Variants in LOXHD1 observed in about 807,000 individuals in gnomAD.
LOXHD1 encodes the protein lipoxygenase homology PLAT domains 1.
LOXHD1 carries 205 observed loss-of-function variants against 248.2 expected under a neutral mutation model. The observed-to-expected ratio is 0.83, with a 90% CI of 0.74 to 0.93. The LOEUF is 0.93. Among genes scored for constraint, LOXHD1 ranks in the 40% least tolerant of loss-of-function variants. LOXHD1 has a pLI of 0.00. For missense variants in LOXHD1, 2,930 were observed against 2,971.6 expected (o/e 0.99, Z 0.33); for synonymous variants, 1,113 against 1,162.8 (o/e 0.96, Z 0.87).
In LOXHD1 at chr18:46,483,618, T is replaced by C; in HGVS notation, c.6310A>G (p.Ile2104Val). ...KRELAWHVKTITITEMEYGNV... is the reference protein window; with the variant it reads ...KRELAWHVKTVTITEMEYGNV... ...CCGTACTCCATCTCGGTGATGGTGA[T>C]GGTCTTGACATGCCAGGCAAGTTCT... The change falls in exon 40 of 41, where the codon ATC (isoleucine) becomes GTC (valine). Residue 2104 changes from isoleucine (I) to valine (V), a missense_variant. Coordinates refer to ENST00000642948, the MANE Select transcript of LOXHD1 (RefSeq NM_001384474.1). 1 of 1,551,658 alleles carries C rather than the reference T, an allele frequency of 6.4e-7. No individual in the cohort carries two copies. The highest frequency in any genetic ancestry group is 8.7e-7 in the Non-Finnish European group (1 of 1,146,990).
rs892724754 is a variant in LOXHD1, at chr18:46,522,135, G to A, written c.5051C>T (p.Ala1684Val). 4.5e-6 allele frequency: 7 copies of A among 1,551,154 alleles called. No homozygotes were observed. The African/African-American group carries it at 8.2e-5, about 18-fold the overall frequency. ...SRGSVEEFYVAGLDVGIIKKI... is the reference protein window; with the variant it reads ...SRGSVEEFYVVGLDVGIIKKI... ...CTTGATGATGCCCACATCCAAGCCT[G>A]CGACGTAGAACTCCTCCACAGAGCC... is the stretch of plus-strand genomic sequence containing the variant. The change falls in exon 32 of 41, where the codon GCA becomes GTA. Residue 1684 changes from alanine (A) to valine (V), a missense_variant. Coordinates refer to ENST00000642948, the MANE Select transcript of LOXHD1 (RefSeq NM_001384474.1).
chr18:46,643,639 G>T (rs328172), intron 2 of LOXHD1, among the ~76,000 whole-genome samples: 58,606 of 151,858 alleles, frequency 0.39, 12,024 homozygotes, highest in East Asian at 0.53. Context: ...AGAATGTGTG[G>T]ACATTGTTTC....
Position 46,553,782 on chromosome 18 carries a change from G to T in LOXHD1, c.3350+3574C>A, listed in dbSNP as rs1351476696. On this transcript the variant is annotated intron_variant, in intron 21 of 40. Transcript: ENST00000642948. ...AAAATAAACAGACAAGAGAAATGAG[G>T]GGAAGAGGGTACGCTAGGCCTCACT... 2.6e-5 allele frequency among the ~76,000 whole-genome samples: 4 copies of T among 152,168 alleles called. No homozygotes were observed. The East Asian group carries it at 7.7e-4, about 29-fold the overall frequency.
chr18:46,509,863 G>GT, intron 34 of LOXHD1, 48 bp from the exon 35 acceptor site: 3 of 1,025,466 alleles, frequency 2.9e-6, no homozygotes, highest in Non-Finnish European at 4.4e-6. Flanking sequence ...GGCCATTGGG[G>GT]AGGGTTGGGG....
intron 6 of LOXHD1, among the ~76,000 whole-genome samples, chr18:46,605,006 T>G (rs7351019): frequency 6.6e-6 from 1 of 152,012 alleles, no homozygotes; most frequent in African/African-American, 2.4e-5. Context: ...CACAAAAAAA[T>G]TTATTTTAAA....
chr18:46,627,962 T>C (rs1187697910), intron 4 of LOXHD1, among the ~76,000 whole-genome samples: 1 of 152,224 alleles, frequency 6.6e-6, no homozygotes, highest in Non-Finnish European at 1.5e-5. Flanking sequence ...GAAGGGCCTG[T>C]ATGTAATCAC....
rs1381148907 is a variant in LOXHD1, at chr18:46,505,873, T to C, written c.5843A>G (p.His1948Arg). ...FNFPDMLSLGHLCKLRVWHDN... is the reference protein window; with the variant it reads ...FNFPDMLSLGRLCKLRVWHDN... Reference sequence around the variant, plus strand: ...GTGCCAGACCCTCAGCTTGCAGAGGTGGCCCAAGCTCAGCATGTCAGGGAA... The same window carrying C: ...GTGCCAGACCCTCAGCTTGCAGAGGCGGCCCAAGCTCAGCATGTCAGGGAA... Residue 1948 changes from histidine to arginine, a missense_variant, in exon 37 of 41, where the codon CAC becomes CGC. By Grantham distance (29) the His-to-Arg change is conservative (BLOSUM62 0). Transcript: ENST00000642948. 6.4e-7 allele frequency: 1 copy of C among 1,551,626 alleles called. No individual in the cohort carries two copies. Among genetic ancestry groups the C allele is most frequent in the Non-Finnish European group, 8.7e-7 (1 of 1,146,976 alleles).
intron 28 of LOXHD1, among the ~76,000 whole-genome samples, 192 bp downstream of exon 28, chr18:46,532,970 C>T (rs1386054415): frequency 6.6e-6 from 1 of 152,196 alleles, no homozygotes; most frequent in Non-Finnish European, 1.5e-5. Flanking sequence ...CTAGCTCGGC[C>T]ATCTATTAGC....
At chr18:46,608,554 C>T (rs1402920158) in intron 6 of LOXHD1, among the ~76,000 whole-genome samples, 1 of 152,154 alleles carries the variant, frequency 6.6e-6, no homozygotes, top group African/African-American at 2.4e-5. Context: ...TGTGCCCTGC[C>T]CTGGCTGAGG....
intron 4 of LOXHD1, among the ~76,000 whole-genome samples, chr18:46,632,428 G>A (rs1041919454): frequency 6.6e-6 from 1 of 152,292 alleles, no homozygotes; most frequent in Middle Eastern, 3.4e-3. Context: ...AGAGGGCATT[G>A]CCAACAGCAG....
intron 8 of LOXHD1, among the ~76,000 whole-genome samples, chr18:46,598,509 T>TAA (rs34481424): frequency 0.026 from 3,866 of 147,922 alleles, 133 homozygotes; most frequent in African/African-American, 0.085. Context: ...CTTTGAAAAT[T>TAA]AAAAAAAAAA....
chr18:46,560,687 T>C, intron 18 of LOXHD1, 142 bp from the exon 19 acceptor site: 1 of 754,592 alleles, frequency 1.3e-6, no homozygotes, highest in Non-Finnish European at 2.1e-6. Flanking sequence ...TGTGCTCAGA[T>C]CCTTCCACCA....
intron 28 of LOXHD1, among the ~76,000 whole-genome samples, chr18:46,530,238 A>G (rs2036002494): frequency 6.6e-6 from 1 of 152,154 alleles, no homozygotes. Context: ...CCAAAGTGGA[A>G]GGAAGGTTAA....
chr18:46,653,837 G>C (rs1222376687), intron 1 of LOXHD1, among the ~76,000 whole-genome samples: 1 of 152,180 alleles, frequency 6.6e-6, no homozygotes, highest in Non-Finnish European at 1.5e-5. Flanking sequence ...CTGTGATAAG[G>C]ATTAAGTAAA....
At chr18:46,646,982 A>G (rs1025858373) in intron 2 of LOXHD1, among the ~76,000 whole-genome samples, 3 of 152,146 alleles carry the variant, frequency 2.0e-5, no homozygotes, top group African/African-American at 7.2e-5. Context: ...CTGTGTCCCC[A>G]TCACTGAGAC....
intron 21 of LOXHD1, 127 bp downstream of exon 21, chr18:46,557,229 C>T (rs2037378668): frequency 1.8e-6 from 2 of 1,085,740 alleles, no homozygotes; most frequent in Non-Finnish European, 2.6e-6. Context: ...TTAGGTGTCA[C>T]CCAGCCCACC....
intron 40 of LOXHD1, among the ~76,000 whole-genome samples, chr18:46,478,440 C>CA (rs1163467930): frequency 1.3e-5 from 2 of 152,132 alleles, no homozygotes; most frequent in African/African-American, 4.8e-5. Flanking sequence ...AAGTCACCAT[C>CA]ATCTCCTATT....
chr18:46,550,968 G>A (rs535965834), intron 21 of LOXHD1, among the ~76,000 whole-genome samples: 2 of 152,198 alleles, frequency 1.3e-5, no homozygotes, highest in African/African-American at 4.8e-5. Context: ...ACTCATTGTT[G>A]TATCCACATC....
At chr18:46,655,712 C>G (rs1296116579) in intron 1 of LOXHD1, among the ~76,000 whole-genome samples, 2 of 152,202 alleles carry the variant, frequency 1.3e-5, no homozygotes, top group Admixed American at 1.3e-4. Flanking sequence ...CTGAGACTAC[C>G]TCCTCTAAGC....
Sources: gnomAD v4.1 joint callset for allele counts (sites outside exome capture counted in the v4.1 genomes callset) on GRCh38, gnomAD v4.1.1 for gene constraint, MANE v1.5 for transcripts, NCBI Gene and HGNC (gene_info 2026-07-23, HGNC 2026-07-21) for gene names.